The following SKAP1 variants were observed in gnomAD, a reference collection of about 807,000 sequenced individuals.
SKAP1 encodes src kinase associated phosphoprotein 1.
SKAP1 carries 44 observed loss-of-function variants against 58.5 expected under a neutral mutation model. The ratio of observed to expected loss-of-function variants is 0.75; its 90% CI spans 0.59 to 0.97. SKAP1 has a LOEUF of 0.97. Among genes scored for constraint, SKAP1 ranks in the 50% least tolerant of loss-of-function variants. The pLI is 0.00. For missense variants in SKAP1, 390 were observed against 435.2 expected, an observed-to-expected ratio of 0.90 and a Z score of 0.92; for synonymous variants, 127 against 149.7, an observed-to-expected ratio of 0.85 and a Z score of 1.11.
chr17:48,281,407 T>C (rs1017907392), intron 4 of SKAP1, among the ~76,000 whole-genome samples: 2 of 152,204 alleles, frequency 1.3e-5, no homozygotes, highest in African/African-American at 2.4e-5. Flanking sequence ...TGGCACTCCC[T>C]GATGGGGTTC....
intron 4 of SKAP1, chr17:48,344,168 C>A: frequency 4.2e-6 from 1 of 238,172 alleles, no homozygotes; most frequent in Non-Finnish European, 6.8e-6. Flanking sequence ...AGAAAATGAC[C>A]CCAAACTGCT....
At chr17:48,166,351 T>C (rs2064139500) in intron 10 of SKAP1, among the ~76,000 whole-genome samples, 2 of 152,230 alleles carry the variant, frequency 1.3e-5, no homozygotes, top group Admixed American at 6.5e-5. Flanking sequence ...GCCAGGTTCT[T>C]TACAACTAGT....
intron 4 of SKAP1, among the ~76,000 whole-genome samples, chr17:48,302,631 A>G (rs2066075668): frequency 6.6e-6 from 1 of 152,234 alleles, no homozygotes; most frequent in Admixed American, 6.5e-5. Context: ...CAAGGAAGTC[A>G]ATACTAGCTT....
intron 10 of SKAP1, among the ~76,000 whole-genome samples, chr17:48,165,004 T>C (rs948380583): frequency 1.3e-5 from 2 of 152,232 alleles, no homozygotes; most frequent in Non-Finnish European, 2.9e-5. Flanking sequence ...TGTTAGATAC[T>C]GGGAATCCCA....
At chr17:48,415,193 C>T (rs114635210) in intron 1 of SKAP1, among the ~76,000 whole-genome samples, 3,385 of 152,064 alleles carry the variant, frequency 0.022, 116 homozygotes, top group African/African-American at 0.075. Context: ...GGGGAAATTT[C>T]GTAAAAGTAT....
intron 4 of SKAP1, among the ~76,000 whole-genome samples, chr17:48,194,720 C>A (rs534691183): frequency 6.6e-6 from 1 of 152,178 alleles, no homozygotes; most frequent in African/African-American, 2.4e-5. Context: ...TTGTTCAAAT[C>A]GTCCCCCTGT....
intron 11 of SKAP1, among the ~76,000 whole-genome samples, chr17:48,157,916 ACC>A (rs1384478089): frequency 1.3e-4 from 19 of 147,472 alleles, no homozygotes; most frequent in African/African-American, 4.7e-4. Flanking sequence ...GGTGGCTCAC[ACC>A]TGTAATCCCA....
chr17:48,330,847 C>T (rs978133646), intron 4 of SKAP1, among the ~76,000 whole-genome samples: 1 of 151,828 alleles, frequency 6.6e-6, no homozygotes, highest in Non-Finnish European at 1.5e-5. Flanking sequence ...AAAGAGTGAC[C>T]AAGTAACCAA....
rs1184654992 is a variant in SKAP1, at chr17:48,354,384, CT to C, written c.179-8379del. Among the ~76,000 whole-genome samples, 3 of 152,288 alleles carry C rather than the reference CT, an allele frequency of 2.0e-5. No individual in the cohort carries two copies. In the East Asian group the frequency reaches 5.8e-4, roughly 29 times the overall value. The stretch of plus-strand genomic sequence containing the variant: ...AGTATCTCTTTATTTAAAAAAATTA[CT>C]TTTTAATTGAGGCATCACTAACACA... On this transcript the variant is annotated intron_variant, in intron 3 of 12. Transcript: ENST00000336915.
chr17:48,255,308 T>C (rs1207710162), intron 4 of SKAP1, among the ~76,000 whole-genome samples: 1 of 152,014 alleles, frequency 6.6e-6, no homozygotes, highest in African/African-American at 2.4e-5. Context: ...TGACCTCCAC[T>C]ACTTTCTGGG....
At chr17:48,357,117 C>T (rs1029083051) in intron 3 of SKAP1, among the ~76,000 whole-genome samples, 39 of 152,242 alleles carry the variant, frequency 2.6e-4, no homozygotes, top group African/African-American at 8.7e-4. Context: ...CTATTCCAAA[C>T]AATGCTATCA....
At chr17:48,283,977 C>T (rs1311741892) in intron 4 of SKAP1, among the ~76,000 whole-genome samples, 1 of 152,164 alleles carries the variant, frequency 6.6e-6, no homozygotes, top group African/African-American at 2.4e-5. Flanking sequence ...TCTTAGAATG[C>T]CTGGGATGTA....
chr17:48,183,430 AT>A (rs1441494663), intron 7 of SKAP1, among the ~76,000 whole-genome samples: 1 of 152,164 alleles, frequency 6.6e-6, no homozygotes, highest in Non-Finnish European at 1.5e-5. Context: ...GCCTTTAGTA[AT>A]TTTTTTATTT....
At chr17:48,181,532 C>T (rs977279484) in intron 8 of SKAP1, among the ~76,000 whole-genome samples, 1 of 152,162 alleles carries the variant, frequency 6.6e-6, no homozygotes, top group Non-Finnish European at 1.5e-5. Context: ...ACAGGCAATT[C>T]TTGTAATTAA....
chr17:48,426,435 T>C (rs2067854221), intron 1 of SKAP1, among the ~76,000 whole-genome samples: 10 of 152,168 alleles, frequency 6.6e-5, no homozygotes, highest in Admixed American at 5.2e-4. Flanking sequence ...ACCAAAGAAA[T>C]ATCTATTCCA....
At chr17:48,379,888 T>C (rs2067194236) in intron 2 of SKAP1, among the ~76,000 whole-genome samples, 1 of 152,158 alleles carries the variant, frequency 6.6e-6, no homozygotes, top group African/African-American at 2.4e-5. Flanking sequence ...TTCACCGTAT[T>C]GGCCAGGCTG....
At position 48,390,408 on chromosome 17, in the gene SKAP1, A is replaced by G. The variant is rs567956676; in HGVS notation, c.152+6272T>C. ...TGAAGGCAGTAATTTCATACAGATG[A>G]TCTTTTCACACAATGTATGAATTAA... On this transcript the variant is annotated intron_variant, in intron 2 of 12. Coordinates refer to ENST00000336915, the MANE Select transcript of SKAP1 (RefSeq NM_003726.4). Among the ~76,000 whole-genome samples, 206 of 152,332 alleles carry G rather than the reference A, an allele frequency of 1.4e-3. 1 individual carries two copies. The highest frequency in any genetic ancestry group is 4.9e-3 in the African/African-American group (204 of 41,564).
chr17:48,370,206 G>A (rs546991018), intron 2 of SKAP1, among the ~76,000 whole-genome samples: 1 of 152,126 alleles, frequency 6.6e-6, no homozygotes, highest in African/African-American at 2.4e-5. Context: ...CTTAAGAGAA[G>A]ACACACAAGT....
chr17:48,426,292 G>T (rs2067852919), intron 1 of SKAP1, among the ~76,000 whole-genome samples: 1 of 152,178 alleles, frequency 6.6e-6, no homozygotes. Context: ...ACTACATGCA[G>T]CCAGGTTGTT....
Sources: allele counts gnomAD v4.1 joint callset (sites outside exome capture counted in the v4.1 genomes callset), GRCh38; gene constraint gnomAD v4.1.1; transcripts MANE v1.5; gene names NCBI Gene and HGNC (gene_info 2026-07-23, HGNC 2026-07-21).